Variants in DMD observed in about 807,000 individuals in gnomAD.
DMD encodes mutant dystrophin.
DMD carries 63 observed loss-of-function variants against 330.1 expected under a neutral mutation model. The ratio of observed to expected loss-of-function variants is 0.19; its 90% CI spans 0.16 to 0.24. DMD has a LOEUF of 0.24. Ranked by LOEUF, DMD falls within the 10% of genes least tolerant of loss-of-function variation. The probability of loss-of-function intolerance (pLI) is 1.00; values close to 1 mark genes in which losing one functional copy is unlikely to be tolerated. For synonymous variants in DMD, 1,223 were observed against 959.8 expected (o/e 1.27, Z -5.07); for missense variants, 3,344 against 2,684.1 (o/e 1.25, Z -5.43).
chrX:32,716,887 G>C (rs752693223), intron 7 of DMD, among the ~76,000 whole-genome samples: 1 of 111,889 alleles, frequency 8.9e-6, no homozygotes, highest in Non-Finnish European at 1.9e-5. Flanking sequence ...CTTTTAACTT[G>C]AGACTGATGA....
At chrX:32,788,441 T>A (rs748030780) in intron 7 of DMD, among the ~76,000 whole-genome samples, 3 of 112,241 alleles carry the variant, frequency 2.7e-5, no homozygotes, top group Non-Finnish European at 5.6e-5. Flanking sequence ...AATCTGTATG[T>A]TGGTTGCTTC....
chrX:32,059,666 G>A (rs2096208644), intron 44 of DMD, among the ~76,000 whole-genome samples: 1 of 110,965 alleles, frequency 9.0e-6, no homozygotes, highest in South Asian at 3.8e-4. Context: ...TCAGACAACA[G>A]TTGCAACGGA....
chrX:31,136,829 A>T (rs1015418203), intron 76 of DMD, among the ~76,000 whole-genome samples: 2 of 112,197 alleles, frequency 1.8e-5, no homozygotes, highest in African/African-American at 3.2e-5. Flanking sequence ...AGTATAATAC[A>T]AATGTAAAAT....
chrX:32,335,550 T>A (rs1408675893), intron 41 of DMD, among the ~76,000 whole-genome samples: 1 of 102,633 alleles, frequency 9.7e-6, no homozygotes, highest in Non-Finnish European at 2.0e-5. Flanking sequence ...ATATATAACG[T>A]GTATATGTTA....
chrX:33,006,938 C>T (rs1009250330), intron 2 of DMD, among the ~76,000 whole-genome samples: 3 of 110,683 alleles, frequency 2.7e-5, no homozygotes, highest in African/African-American at 9.9e-5. Context: ...CTCTCAATCT[C>T]CATTTTTAGT....
chrX:31,425,707 C>T (rs750649980), intron 60 of DMD, among the ~76,000 whole-genome samples: 3 of 101,476 alleles, frequency 3.0e-5, no homozygotes, highest in African/African-American at 7.8e-5. Context: ...CACACACACA[C>T]ACACGCACAC....
chrX:32,292,983 C>G (rs2097480086), intron 42 of DMD, among the ~76,000 whole-genome samples: 1 of 112,543 alleles, frequency 8.9e-6, no homozygotes, highest in African/African-American at 3.2e-5. Context: ...GAGTGAATTT[C>G]AGAGAAAGAA....
intron 51 of DMD, among the ~76,000 whole-genome samples, chrX:31,731,348 A>G (rs1250125951): frequency 8.9e-6 from 1 of 111,861 alleles, no homozygotes; most frequent in East Asian, 2.8e-4. Context: ...AGTAGCAGGT[A>G]GATTTTATGA....
intron 51 of DMD, among the ~76,000 whole-genome samples, chrX:31,756,831 A>C (rs2089141974): frequency 8.9e-6 from 1 of 112,160 alleles, no homozygotes; most frequent in Non-Finnish European, 1.9e-5. Flanking sequence ...GTTGGGCAAC[A>C]ATGCTATGTC....
intron 7 of DMD, among the ~76,000 whole-genome samples, chrX:32,707,910 A>C (rs1029270594): frequency 4.5e-5 from 5 of 111,861 alleles, no homozygotes; most frequent in African/African-American, 9.7e-5. Flanking sequence ...TGACTCAGTG[A>C]CATTTAACTC....
At chrX:32,194,960 T>C (rs950885292) in intron 44 of DMD, among the ~76,000 whole-genome samples, 1 of 111,155 alleles carries the variant, frequency 9.0e-6, no homozygotes, top group Admixed American at 9.6e-5. Flanking sequence ...TTTGCTGCGG[T>C]GTAGGATTGA....
intron 55 of DMD, among the ~76,000 whole-genome samples, chrX:31,599,065 C>A (rs1276784725): frequency 9.0e-6 from 1 of 111,502 alleles, no homozygotes; most frequent in Non-Finnish European, 1.9e-5. Flanking sequence ...GTTATAAAAT[C>A]CTGATCACCA....
chrX:32,389,332 A>G (rs1475515656), intron 32 of DMD, among the ~76,000 whole-genome samples, 169 bp downstream of exon 32: 1 of 111,988 alleles, frequency 8.9e-6, no homozygotes, highest in Non-Finnish European at 1.9e-5. Flanking sequence ...CTCAAAAAAG[A>G]CACACAGAAT....
At chrX:32,313,058 A>G (rs1279279615) in intron 41 of DMD, among the ~76,000 whole-genome samples, 1 of 108,537 alleles carries the variant, frequency 9.2e-6, no homozygotes, top group Non-Finnish European at 1.9e-5. Context: ...GCAATACAAA[A>G]GAAAATAAAT....
chrX:33,072,982 C>A (rs767752950), intron 1 of DMD, among the ~76,000 whole-genome samples: 1 of 111,723 alleles, frequency 9.0e-6, no homozygotes, highest in South Asian at 3.7e-4. Flanking sequence ...CCCTATTTGG[C>A]CAGAAAATTT....
intron 19 of DMD, among the ~76,000 whole-genome samples, chrX:32,495,655 A>G (rs1321791435): frequency 8.9e-6 from 1 of 112,171 alleles, no homozygotes; most frequent in African/African-American, 3.2e-5. Context: ...CCTTTCTAGA[A>G]TGAAAAAGGG....
At chrX:32,547,877 T>C (rs1243851497) in intron 16 of DMD, among the ~76,000 whole-genome samples, 1 of 111,545 alleles carries the variant, frequency 9.0e-6, no homozygotes, top group Non-Finnish European at 1.9e-5. Context: ...TGATTAAGAC[T>C]TCCTCTTGTT....
chrX:31,655,374 C>A (rs919148329), intron 54 of DMD, among the ~76,000 whole-genome samples: 1 of 110,380 alleles, frequency 9.1e-6, no homozygotes, highest in Non-Finnish European at 1.9e-5. Context: ...ATTTGCCTCA[C>A]GATGAATTGT....
chrX:32,394,744 A>G (rs938477482), intron 30 of DMD, among the ~76,000 whole-genome samples: 2 of 109,069 alleles, frequency 1.8e-5, no homozygotes, highest in African/African-American at 6.6e-5. Context: ...GAATACACTC[A>G]GAGAGGGTAG....
Sources: gnomAD v4.1 joint callset for allele counts (sites outside exome capture counted in the v4.1 genomes callset) on GRCh38, gnomAD v4.1.1 for gene constraint, MANE v1.5 for transcripts, NCBI Gene and HGNC (gene_info 2026-07-23, HGNC 2026-07-21) for gene names.